Variants in CAMSAP3 observed in about 807,000 individuals in gnomAD.
CAMSAP3 encodes the protein calmodulin regulated spectrin associated protein family member 3.
In CAMSAP3, 34 loss-of-function variants were observed where a neutral mutation model predicts 112.5. The ratio of observed to expected loss-of-function variants is 0.30; its 90% CI spans 0.23 to 0.40. The LOEUF (loss-of-function observed/expected upper bound fraction) is 0.40. Among genes scored for constraint, CAMSAP3 ranks in the 10% least tolerant of loss-of-function variants. CAMSAP3 has a pLI of 1.00. For synonymous variants in CAMSAP3, 868 were observed against 799.8 expected, an observed-to-expected ratio of 1.09 and a Z score of -1.44; for missense variants, 1,602 against 1,770.3, an observed-to-expected ratio of 0.90 and a Z score of 1.71.
At position 7,607,244 on chromosome 19, in the gene CAMSAP3, C is replaced by A. The variant is rs2030269705; in HGVS notation, c.621+673C>A. Among the ~76,000 whole-genome samples, 1 of 152,168 alleles carries A rather than the reference C, an allele frequency of 6.6e-6. No individual in the cohort carries two copies. Among genetic ancestry groups the A allele is most frequent in the East Asian group, 1.9e-4 (1 of 5,172 alleles). On this transcript the variant is annotated intron_variant, in intron 4 of 16. Coordinates refer to ENST00000160298, the MANE Select transcript of CAMSAP3 (RefSeq NM_020902.2). The surrounding 1 kb of genome is among the most constrained non-coding windows in gnomAD (Gnocchi z 4.9). ...GGGCACCCTCTGGCCAAGGGGAAGACCCTCCAATGCAGAAGAAGATAGAAT... is the reference window on the plus strand; with the variant it reads ...GGGCACCCTCTGGCCAAGGGGAAGAACCTCCAATGCAGAAGAAGATAGAAT...
In CAMSAP3 at chr19:7,617,081, TG is replaced by T. The variant is rs2030848025; in HGVS notation, c.3213-241del. On this transcript the variant is annotated intron_variant, in intron 14 of 16. Coordinates refer to ENST00000160298, the MANE Select transcript of CAMSAP3 (RefSeq NM_020902.2). The surrounding 1 kb of genome is among the most constrained non-coding windows in gnomAD (Gnocchi z 7.5). ...CTCGTGCCTCAGCCTCCTGAGTAGCTGGGGTTACCCGTGCCTGTAGAGACGG... is the reference window on the plus strand; with the variant it reads ...CTCGTGCCTCAGCCTCCTGAGTAGCTGGGTTACCCGTGCCTGTAGAGACGG... Among the ~76,000 whole-genome samples, 1 of 151,932 alleles carries T rather than the reference TG, an allele frequency of 6.6e-6. No homozygotes were observed. The highest frequency in any genetic ancestry group is 2.4e-5 in the African/African-American group (1 of 41,404).
chr19:7,602,923 A>T (rs1305553226), intron 1 of CAMSAP3, among the ~76,000 whole-genome samples: 3 of 127,428 alleles, frequency 2.4e-5, no homozygotes, highest in African/African-American at 8.8e-5. Context: ...AGGGAAATTG[A>T]GGGAGAGGTG....
chr19:7,605,457 T>G lies in CAMSAP3; in HGVS notation c.380T>G (p.Leu127Arg). 6.9e-7 allele frequency: 1 copy of G among 1,459,038 alleles called. No homozygotes were observed. Among genetic ancestry groups the G allele is most frequent in the Non-Finnish European group, 9.1e-7 (1 of 1,103,410 alleles). The allele number at this position is 1,459,038 out of a possible 1,614,324, so 90.4% of individuals were successfully genotyped here. A position where few individuals can be genotyped will look rare whatever the true frequency, so the allele number is the denominator to read the frequency against. Residue 127 changes from leucine to arginine, a missense_variant, in exon 2 of 17, where the codon CTG (leucine) becomes CGG (arginine). Physicochemically the swap from Leu to Arg is moderately radical, Grantham distance 102. Transcript: ENST00000160298. ...LPERPVREAD[L>R]RHQPILMGAH... ...GAGCGCCCGGTGCGCGAGGCCGACC[T>G]GAGGCACCAGCCCATTCTCATGGTA...
At chr19:7,602,681 G>T (rs187253904) in intron 1 of CAMSAP3, among the ~76,000 whole-genome samples, 11 of 151,228 alleles carry the variant, frequency 7.3e-5, no homozygotes, top group African/African-American at 2.7e-4. Context: ...AGTGGGGCCC[G>T]TGGCAGCCGC....
chr19:7,602,859 G>A (rs1036845775), intron 1 of CAMSAP3, among the ~76,000 whole-genome samples: 1 of 151,808 alleles, frequency 6.6e-6, no homozygotes, highest in Non-Finnish European at 1.5e-5. Flanking sequence ...ATATGCTTTG[G>A]AGGTCCCTGC....
intron 5 of CAMSAP3, among the ~76,000 whole-genome samples, chr19:7,608,469 G>C (rs2030325700): frequency 6.6e-6 from 1 of 152,232 alleles, no homozygotes; most frequent in Middle Eastern, 3.4e-3. Flanking sequence ...AAACCTCTCT[G>C]TGCTTCCAGG....
Position 7,604,946 on chromosome 19 carries a change from C to T in CAMSAP3, c.149-280C>T, listed in dbSNP as rs563959348. Among the ~76,000 whole-genome samples the T allele has an allele frequency of 5.9e-5, 9 of 152,254 alleles. No homozygotes were observed. The South Asian group carries it at 1.9e-3, about 32-fold the overall frequency. ...TGGGGGTAGCCTCCCCTCCTTTCCACTCTAAGTGCCCATCAGCTCCCTGAG... is the reference window on the plus strand; with the variant it reads ...TGGGGGTAGCCTCCCCTCCTTTCCATTCTAAGTGCCCATCAGCTCCCTGAG... On this transcript the variant is annotated intron_variant, in intron 1 of 16. Coordinates refer to ENST00000160298, the MANE Select transcript of CAMSAP3 (RefSeq NM_020902.2).
Position 7,615,674 on chromosome 19 carries a change from T to C in CAMSAP3, c.3067T>C (p.Cys1023Arg). The change falls in exon 13 of 17, where the codon TGT becomes CGT. Residue 1023 changes from cysteine (C) to arginine (R), a missense_variant. Transcript: ENST00000160298. This position sits in a 1 kb window ranked among gnomAD's most constrained non-coding sequence, Gnocchi z 6.5. The stretch of plus-strand genomic sequence containing the variant: ...GGCCACCCGGCCTCGCTCGGGTTGC[T>C]GTGACGACTCAGCCCTGGCACGAAG... ...RRATRPRSGC[C>R]DDSALARSPA... The C allele has an allele frequency of 7.0e-7, 1 of 1,426,018 alleles. No individual in the cohort carries two copies. Among genetic ancestry groups the C allele is most frequent in the Non-Finnish European group, 9.1e-7 (1 of 1,095,468 alleles). 88.3% of individuals were successfully genotyped at this position (1,426,018 alleles called of 1,614,324 possible). A position where few individuals can be genotyped will look rare whatever the true frequency, so the allele number is the denominator to read the frequency against.
rs780933294 is a variant in CAMSAP3, at chr19:7,596,034, C to T, written c.32C>T (p.Pro11Leu). 4.1e-6 allele frequency: 5 copies of T among 1,226,198 alleles called. No homozygotes were observed. Among genetic ancestry groups the T allele is most frequent in the South Asian group, 1.6e-5 (1 of 61,540 alleles). 76.0% of individuals were successfully genotyped at this position (1,226,198 alleles called of 1,614,324 possible). Residue 11 changes from proline (P) to leucine (L), a missense_variant, in exon 1 of 17, where the codon CCG becomes CTG. By Grantham distance (98) the Pro-to-Leu change is moderately conservative (BLOSUM62 -3). Coordinates refer to ENST00000160298, the MANE Select transcript of CAMSAP3 (RefSeq NM_020902.2). The stretch of plus-strand genomic sequence containing the variant: ...GAGGCGGCGCCCCCCGGGCCCGGGC[C>T]GCTGCGGAGGACCTTTCTAGTGCCC... Reference protein sequence around the residue: MVEAAPPGPGPLRRTFLVPEI... With the variant: MVEAAPPGPGLLRRTFLVPEI...
Position 7,615,590 on chromosome 19 carries a change from G to A in CAMSAP3, c.2983G>A (p.Asp995Asn), listed in dbSNP as rs1204012820. 34 of 1,495,228 alleles carry A rather than the reference G, an allele frequency of 2.3e-5. No homozygotes were observed. The Admixed American group carries it at 6.3e-4, about 28-fold the overall frequency. 92.6% of individuals were successfully genotyped at this position (1,495,228 alleles called of 1,614,324 possible). The change falls in exon 13 of 17, where the codon GAT becomes AAT. Residue 995 changes from aspartate (D) to asparagine (N), a missense_variant. Physicochemically the swap from Asp to Asn is conservative, Grantham distance 23. Coordinates refer to ENST00000160298, the MANE Select transcript of CAMSAP3 (RefSeq NM_020902.2). This position sits in a 1 kb window ranked among gnomAD's most constrained non-coding sequence, Gnocchi z 6.5. ...RAQLKLMDDL[D>N]KVLRPRAAGS... ...CCAGCTGAAGCTGATGGACGACCTC[G>A]ATAAGGTGCTGCGGCCCCGGGCTGC...
In CAMSAP3 at chr19:7,606,469, C is replaced by T. The variant is rs1207771384; in HGVS notation, c.526-7C>T. Reference sequence around the variant, plus strand: ...GCCAGACCACTGACCCCCTCCCTGCCCTCCAGACCGTCCGGCGGCTGCAGG... The same window carrying T: ...GCCAGACCACTGACCCCCTCCCTGCTCTCCAGACCGTCCGGCGGCTGCAGG... On this transcript the variant is annotated splice_polypyrimidine_tract_variant and splice_region_variant and intron_variant, in intron 3 of 16. Transcript: ENST00000160298. 6.2e-7 allele frequency: 1 copy of T among 1,602,604 alleles called. No homozygotes were observed. The highest frequency in any genetic ancestry group is 1.7e-4 in the Middle Eastern group (1 of 5,892).
chr19:7,601,316 A>G (rs1249363745), intron 1 of CAMSAP3, among the ~76,000 whole-genome samples: 2 of 150,742 alleles, frequency 1.3e-5, no homozygotes, highest in African/African-American at 4.9e-5. Flanking sequence ...TACGCATTAT[A>G]TTTCTTTTTT....
Position 7,606,509 on chromosome 19 carries a change from G to A in CAMSAP3, c.559G>A (p.Glu187Lys), listed in dbSNP as rs2030231054. 6.4e-7 allele frequency: 1 copy of A among 1,561,934 alleles called. No homozygotes were observed. Among genetic ancestry groups the A allele is most frequent in the Non-Finnish European group, 8.6e-7 (1 of 1,162,356 alleles). ...VRRLQEKTEQEAAQRASPAAP... is the reference protein window; with the variant it reads ...VRRLQEKTEQKAAQRASPAAP... ...GCGGCTGCAGGAGAAGACCGAGCAGGAAGCGGCCCAGCGAGCCTCTCCAGC... is the reference window on the plus strand; with the variant it reads ...GCGGCTGCAGGAGAAGACCGAGCAGAAAGCGGCCCAGCGAGCCTCTCCAGC... The change falls in exon 4 of 17, where the codon GAA becomes AAA. Residue 187 changes from glutamate (E) to lysine (K), a missense_variant. This residue lies in a region of CAMSAP3 where 112 missense variants were observed against 94.2 expected (regional missense o/e 1.19). Coordinates refer to ENST00000160298, the MANE Select transcript of CAMSAP3 (RefSeq NM_020902.2).
chr19:7,613,063 A>C lies in CAMSAP3; in HGVS notation c.2570A>C (p.Glu857Ala). 6.5e-7 allele frequency: 1 copy of C among 1,548,150 alleles called. No individual in the cohort carries two copies. Among genetic ancestry groups the C allele is most frequent in the South Asian group, 1.2e-5 (1 of 84,078 alleles). The part of the protein sequence containing the change: ...PLGSLADPAA[E>A]DEGDGSPAGA... The stretch of plus-strand genomic sequence containing the variant: ...GGCAGCCTGGCAGATCCCGCCGCCG[A>C]GGACGAGGGAGACGGGAGCCCCGCT... Residue 857 changes from glutamate (E) to alanine (A), a missense_variant, in exon 11 of 17, where the codon GAG becomes GCG. Around this residue, in one of 6 missense-constraint regions of CAMSAP3, gnomAD observed 1,100 missense variants for 1,135.7 expected, o/e 0.97. Transcript: ENST00000160298.
In CAMSAP3 at chr19:7,615,622, CG is replaced by C. The variant is rs1358872097; in HGVS notation, c.3020del (p.Gly1007ValfsTer35). Reference sequence around the variant, plus strand: ...TGCTGCGGCCCCGGGCTGCGGGGTCCGGGGGTCCAGGTCGGGGCGGGCGGAG... The same window carrying C: ...TGCTGCGGCCCCGGGCTGCGGGGTCCGGGGTCCAGGTCGGGGCGGGCGGAG... ...KVLRPRAAGS[G>X]GPGRGGRRAT... On this transcript the variant is annotated frameshift_variant, in exon 13 of 17. Coordinates refer to ENST00000160298, the MANE Select transcript of CAMSAP3 (RefSeq NM_020902.2). LOFTEE classifies it high-confidence loss of function. This position sits in a 1 kb window ranked among gnomAD's most constrained non-coding sequence, Gnocchi z 6.5. 4 of 1,449,146 alleles carry C rather than the reference CG, an allele frequency of 2.8e-6. No individual in the cohort carries two copies. The highest frequency in any genetic ancestry group is 2.7e-5 in the Admixed American group (1 of 37,400). The allele number at this position is 1,449,146 out of a possible 1,614,324, so 89.8% of individuals were successfully genotyped here. A position where few individuals can be genotyped will look rare whatever the true frequency, so the allele number is the denominator to read the frequency against.
rs377310461 is a variant in CAMSAP3, at chr19:7,615,250, G to A, written c.2738G>A (p.Arg913Gln). 5 of 1,551,124 alleles carry A rather than the reference G, an allele frequency of 3.2e-6. No individual in the cohort carries two copies. The highest frequency in any genetic ancestry group is 2.4e-5 in the East Asian group (1 of 41,124). Residue 913 changes from arginine (R) to glutamine (Q), a missense_variant, in exon 12 of 17, where the codon CGA (arginine) becomes CAA (glutamine). Transcript: ENST00000160298. This position sits in a 1 kb window ranked among gnomAD's most constrained non-coding sequence, Gnocchi z 6.5. Reference sequence around the variant, plus strand: ...AGCCTGCTGGAGCGGCAGCAGCGGCGAGCAGAGGAGGCGCGGCGGCGCAAG... The same window carrying A: ...AGCCTGCTGGAGCGGCAGCAGCGGCAAGCAGAGGAGGCGCGGCGGCGCAAG... ...RASLLERQQR[R>Q]AEEARRRKQW...
chr19:7,611,804 C>G lies in CAMSAP3; in HGVS notation c.1311C>G (p.Pro437=), dbSNP rs1295852320. ...CTGTGAGCTCGGACAGCCTGGGCCC[C>G]CCGCGTCCCGCGCCGGCCAGGACCC... ...LRSVSSDSLG[P]PRPAPARTPT... is the part of the protein sequence containing the mutation. The change falls in exon 11 of 17, where the codon CCC becomes CCG. Residue 437 remains proline, a synonymous_variant. Coordinates refer to ENST00000160298, the MANE Select transcript of CAMSAP3 (RefSeq NM_020902.2). The surrounding 1 kb of genome is among the most constrained non-coding windows in gnomAD (Gnocchi z 6.9). The G allele has an allele frequency of 6.3e-7, 1 of 1,595,082 alleles. No homozygotes were observed. Among genetic ancestry groups the G allele is most frequent in the South Asian group, 1.1e-5 (1 of 88,600 alleles).
Position 7,612,222 on chromosome 19 carries a change from G to A in CAMSAP3, c.1729G>A (p.Ala577Thr). The change falls in exon 11 of 17, where the codon GCA becomes ACA. Residue 577 changes from alanine to threonine, a missense_variant. Ala to Thr is a moderately conservative substitution (Grantham distance 58, BLOSUM62 0). Coordinates refer to ENST00000160298, the MANE Select transcript of CAMSAP3 (RefSeq NM_020902.2). ...FAERKKQLVK[A>T]EAEAGAGSPT... is the part of the protein sequence containing the mutation. ...AGAACGCAAGAAACAGCTGGTGAAG[G>A]CAGAGGCTGAGGCCGGAGCGGGGTC... is the stretch of plus-strand genomic sequence containing the variant. 3 of 1,596,990 alleles carry A rather than the reference G, an allele frequency of 1.9e-6. No homozygotes were observed. The highest frequency in any genetic ancestry group is 1.7e-4 in the Middle Eastern group (1 of 6,038).
intron 1 of CAMSAP3, 46 bp from the exon 2 acceptor site, chr19:7,605,180 T>TGTGTGTGTGTGTGTGTTGC (rs1447588348): frequency 1.2e-6 from 1 of 862,194 alleles, no homozygotes; most frequent in Non-Finnish European, 1.6e-6. Flanking sequence ...GTGTGTGTTG[T>TGTGTGTGTGTGTGTGTTGC]ATCTGGTGAC....
Sources: allele counts gnomAD v4.1 joint callset (sites outside exome capture counted in the v4.1 genomes callset), GRCh38; gene constraint gnomAD v4.1.1; regional missense constraint gnomAD v4.1.1; non-coding constraint Gnocchi (gnomAD v3.1); transcripts MANE v1.5; gene names NCBI Gene and HGNC (gene_info 2026-07-23, HGNC 2026-07-21).